SLC35F3: variants seen among roughly 807,000 people sequenced by gnomAD.
The protein encoded by SLC35F3 is putative thiamine transporter SLC35F3.
A neutral mutation model predicts 49.9 loss-of-function variants in SLC35F3; 25 were observed. The observed-to-expected ratio is 0.50, with a 90% CI of 0.37 to 0.70. The LOEUF (loss-of-function observed/expected upper bound fraction) is 0.70, where lower values mean the gene tolerates loss of function less well. SLC35F3 is among the 30% of genes least tolerant of loss of function. The pLI is 0.00. For synonymous variants in SLC35F3, 275 were observed against 265.4 expected, an observed-to-expected ratio of 1.04 and a Z score of -0.35; for missense variants, 525 against 639.8, an observed-to-expected ratio of 0.82 and a Z score of 1.94.
At chr1:234,238,273 C>T (rs773985972) in intron 3 of SLC35F3, among the ~76,000 whole-genome samples, 24 of 152,210 alleles carry the variant, frequency 1.6e-4, no homozygotes, top group Non-Finnish European at 2.5e-4. Flanking sequence ...TACACACACA[C>T]ATAGCCAGCT....
intron 2 of SLC35F3, among the ~76,000 whole-genome samples, chr1:234,229,680 A>T (rs1206748188): frequency 6.6e-6 from 1 of 152,076 alleles, no homozygotes; most frequent in Non-Finnish European, 1.5e-5. Context: ...TCTTTTCAGG[A>T]TGAGTTTTTG....
chr1:234,038,793 A>C (rs930518234), intron 2 of SLC35F3, among the ~76,000 whole-genome samples: 1 of 152,184 alleles, frequency 6.6e-6, no homozygotes, highest in African/African-American at 2.4e-5. Context: ...ATAGTGTCCA[A>C]ATAAGAGATG....
intron 2 of SLC35F3, among the ~76,000 whole-genome samples, chr1:234,207,190 CA>C (rs533785556): frequency 2.6e-5 from 4 of 151,406 alleles, no homozygotes; most frequent in African/African-American, 9.7e-5. Flanking sequence ...CCCTGGTCTC[CA>C]AAAAAAGCTT....
Position 234,066,830 on chromosome 1 carries a change from C to CCTCACA in SLC35F3, c.283+161073_283+161074insTCACAC, listed in dbSNP as rs1248154393. 1.8e-4 allele frequency among the ~76,000 whole-genome samples: 24 copies of CCTCACA among 135,218 alleles called. No individual in the cohort carries two copies. In the Middle Eastern group the frequency reaches 0.011, roughly 63 times the overall value. The allele number at this position is 135,218 out of a possible 152,430, so 88.7% of individuals were successfully genotyped here. Reference sequence around the variant, plus strand: ...CTCTCTGTCTCTGTCCCTCTCTCTCCCACACACACACACACACACACACAC... The same window carrying CCTCACA: ...CTCTCTGTCTCTGTCCCTCTCTCTCCCTCACACACACACACACACACACACACACAC... On this transcript the variant is annotated intron_variant, in intron 2 of 7. Coordinates refer to ENST00000366618, the MANE Select transcript of SLC35F3 (RefSeq NM_173508.4).
At chr1:234,239,907 A>T (rs1667527815) in intron 3 of SLC35F3, among the ~76,000 whole-genome samples, 1 of 152,178 alleles carries the variant, frequency 6.6e-6, no homozygotes, top group Non-Finnish European at 1.5e-5. Flanking sequence ...CCACTTCCAA[A>T]GGTCACTGTG....
At chr1:234,175,662 C>CAAAAAAAA (rs35257762) in intron 2 of SLC35F3, among the ~76,000 whole-genome samples, 1 of 98,704 alleles carries the variant, frequency 1.0e-5, no homozygotes, top group Non-Finnish European at 2.0e-5. Context: ...GACCCTGTCT[C>CAAAAAAAA]AAAAAAAAAA....
At chr1:234,208,747 T>C (rs1028313878) in intron 2 of SLC35F3, among the ~76,000 whole-genome samples, 6 of 152,202 alleles carry the variant, frequency 3.9e-5, no homozygotes, top group Non-Finnish European at 8.8e-5. Context: ...CCCACTTCAG[T>C]ATCCAGACCT....
chr1:233,949,527 G>A (rs1662568991), intron 2 of SLC35F3, among the ~76,000 whole-genome samples: 1 of 152,176 alleles, frequency 6.6e-6, no homozygotes, highest in Non-Finnish European at 1.5e-5. Context: ...CCAAAAGTCA[G>A]TTCTGTTTCC....
At chr1:234,249,847 G>A (rs1667708434) in intron 3 of SLC35F3, among the ~76,000 whole-genome samples, 2 of 152,238 alleles carry the variant, frequency 1.3e-5, no homozygotes, top group Admixed American at 6.5e-5. Context: ...CCCCCGAAGT[G>A]TGTTCCACAC....
intron 2 of SLC35F3, among the ~76,000 whole-genome samples, chr1:234,052,385 A>T (rs927527100): frequency 2.0e-5 from 3 of 152,146 alleles, no homozygotes; most frequent in Admixed American, 6.6e-5. Flanking sequence ...TATGTCCAGG[A>T]ATTTATCCAT....
rs141932504 is a variant in SLC35F3 at position 234,091,834 on chromosome 1, C to T, written c.284-139583C>T. ...TTTAGTATCCATGGGTTGACTGAGC[C>T]GTATTTAGTTAAGTCTGCCTCACTT... On this transcript the variant is annotated intron_variant, in intron 2 of 7. Coordinates refer to ENST00000366618, the MANE Select transcript of SLC35F3 (RefSeq NM_173508.4). Among the ~76,000 whole-genome samples the T allele has an allele frequency of 5.7e-4, 87 of 152,254 alleles. 1 individual carries two copies. In the East Asian group the frequency reaches 0.014, roughly 24 times the overall value.
At chr1:234,222,185 A>T (rs1195218633) in intron 2 of SLC35F3, among the ~76,000 whole-genome samples, 2 of 152,110 alleles carry the variant, frequency 1.3e-5, no homozygotes, top group African/African-American at 2.4e-5. Flanking sequence ...AGCCAAAGAG[A>T]AGCTGTGCAT....
At chr1:234,264,859 C>T (rs1308086068) in intron 3 of SLC35F3, among the ~76,000 whole-genome samples, 2 of 152,176 alleles carry the variant, frequency 1.3e-5, no homozygotes, top group Non-Finnish European at 2.9e-5. Flanking sequence ...GGCCAGTATT[C>T]CTTTTACCTA....
At position 233,910,316 on chromosome 1, in the gene SLC35F3, C is replaced by T. The variant is rs186729005; in HGVS notation, c.283+4558C>T. 2.0e-5 allele frequency among the ~76,000 whole-genome samples: 3 copies of T among 152,316 alleles called. No individual in the cohort carries two copies. In the East Asian group the frequency reaches 5.8e-4, roughly 29 times the overall value. ...AAAAATCTGTATAGTAGACAGCCAGCCCCAGGCATCTGATAGGGTGGGACA... is the reference window on the plus strand; with the variant it reads ...AAAAATCTGTATAGTAGACAGCCAGTCCCAGGCATCTGATAGGGTGGGACA... On this transcript the variant is annotated intron_variant, in intron 2 of 7. Coordinates refer to ENST00000366618, the MANE Select transcript of SLC35F3 (RefSeq NM_173508.4).
chr1:234,108,282 T>C (rs61004758), intron 2 of SLC35F3, among the ~76,000 whole-genome samples: 451 of 40,408 alleles, frequency 0.011, 26 homozygotes, highest in Middle Eastern at 0.023. Flanking sequence ...AGATATATAT[T>C]ATTTATATAT....
rs1657581230 is a variant in SLC35F3 at position 234,320,111 on chromosome 1, A to G, written c.1161A>G (p.Val387=). 1 of 1,607,856 alleles carries G rather than the reference A, an allele frequency of 6.2e-7. No homozygotes were observed. ...TCTTTATTTCAGCATTCAATATTGT[A>G]TTAAATTTTGGAATTGCCGTTACAT... ...FSVLLLTFNI[V]LNFGIAVTYP... The change falls in exon 7 of 8, where the codon GTA becomes GTG. Residue 387 remains valine (V), a synonymous_variant. Coordinates refer to ENST00000366618, the MANE Select transcript of SLC35F3 (RefSeq NM_173508.4). This position sits in a 1 kb window ranked among gnomAD's most constrained non-coding sequence, Gnocchi z 4.8.
chr1:234,235,786 G>T (rs912663161), intron 3 of SLC35F3, among the ~76,000 whole-genome samples: 29 of 152,198 alleles, frequency 1.9e-4, no homozygotes, highest in African/African-American at 6.8e-4. Flanking sequence ...GTAGAGCCAA[G>T]AAAGGGAAAA....
chr1:234,100,323 G>C (rs12735316), intron 2 of SLC35F3, among the ~76,000 whole-genome samples: 22,037 of 152,082 alleles, frequency 0.14, 3,276 homozygotes, highest in East Asian at 0.81. Context: ...AGTCCCTCAG[G>C]CTTTGCTACA....
At chr1:234,219,160 T>C (rs1316606999) in intron 2 of SLC35F3, among the ~76,000 whole-genome samples, 1 of 151,790 alleles carries the variant, frequency 6.6e-6, no homozygotes, top group African/African-American at 2.4e-5. Flanking sequence ...TGTGCCATAT[T>C]CTTAGTGCCT....
Sources: gnomAD v4.1 joint callset for allele counts (sites outside exome capture counted in the v4.1 genomes callset) on GRCh38, gnomAD v4.1.1 for gene constraint, Gnocchi (gnomAD v3.1) non-coding constraint, MANE v1.5 for transcripts, NCBI Gene and HGNC (gene_info 2026-07-23, HGNC 2026-07-21) for gene names.